The following FER variants were observed in gnomAD, a reference collection of about 807,000 sequenced individuals.
The protein encoded by FER is FER tyrosine kinase.
FER carries 63 observed loss-of-function variants against 111.0 expected under a neutral mutation model. That is an observed-to-expected ratio of 0.57 (90% confidence interval 0.46 to 0.70). The LOEUF (loss-of-function observed/expected upper bound fraction) is 0.70. Among genes scored for constraint, FER ranks in the 30% least tolerant of loss-of-function variants. The probability of loss-of-function intolerance (pLI) is 0.00; values close to 1 mark genes in which losing one functional copy is unlikely to be tolerated. For synonymous variants in FER, 327 were observed against 313.9 expected, an observed-to-expected ratio of 1.04 and a Z score of -0.44; for missense variants, 914 against 954.0, an observed-to-expected ratio of 0.96 and a Z score of 0.55.
At chr5:108,808,580 TAGAC>T (rs1242757781) in intron 3 of FER, among the ~76,000 whole-genome samples, 2 of 152,104 alleles carry the variant, frequency 1.3e-5, no homozygotes, top group African/African-American at 2.4e-5. Flanking sequence ...GTGGAGTAGT[TAGAC>T]AGTTTACATT....
chr5:108,930,292 A>G (rs1421325896), intron 10 of FER, among the ~76,000 whole-genome samples: 1 of 119,824 alleles, frequency 8.3e-6, no homozygotes, highest in Non-Finnish European at 1.8e-5. Flanking sequence ...GATTACAGGC[A>G]TAAGCCTCCG....
At chr5:108,797,353 G>GC (rs1756144926) in intron 2 of FER, among the ~76,000 whole-genome samples, 1 of 152,088 alleles carries the variant, frequency 6.6e-6, no homozygotes, top group Non-Finnish European at 1.5e-5. Context: ...GGTGTTGCAA[G>GC]CACTCCTGTA....
chr5:108,859,441 G>A (rs888587436), intron 5 of FER, among the ~76,000 whole-genome samples: 6 of 152,118 alleles, frequency 3.9e-5, no homozygotes, highest in Non-Finnish European at 5.9e-5. Flanking sequence ...GAGATCATTT[G>A]TAGAGATTTG....
Position 108,798,147 on chromosome 5 carries a change from CT to C in FER, c.-34del. ...AGATATGTGCTGATTAGAAGGCTCA[CT>C]TGTGCAGTGTGGAGGATAACCAGTG... On this transcript the variant is annotated 5_prime_UTR_variant, in exon 3 of 20. Coordinates refer to ENST00000281092, the MANE Select transcript of FER (RefSeq NM_005246.4). The C allele has an allele frequency of 6.5e-7, 1 of 1,531,610 alleles. No homozygotes were observed. Among genetic ancestry groups the C allele is most frequent in the Non-Finnish European group, 9.0e-7 (1 of 1,106,130 alleles). 94.9% of individuals were successfully genotyped at this position (1,531,610 alleles called of 1,614,324 possible).
chr5:109,049,936 T>C (rs1334751251), intron 16 of FER, among the ~76,000 whole-genome samples: 1 of 152,206 alleles, frequency 6.6e-6, no homozygotes, highest in African/African-American at 2.4e-5. Flanking sequence ...TCAAAGTTGC[T>C]GGTCACTCCA....
At chr5:108,897,150 C>A (rs1033263582) in intron 9 of FER, among the ~76,000 whole-genome samples, 2 of 152,154 alleles carry the variant, frequency 1.3e-5, no homozygotes, top group African/African-American at 4.8e-5. Flanking sequence ...TACATCTTAG[C>A]CCTTAGTCCT....
intron 2 of FER, among the ~76,000 whole-genome samples, chr5:108,787,812 AC>A (rs1430683059): frequency 6.6e-6 from 1 of 152,124 alleles, no homozygotes; most frequent in Non-Finnish European, 1.5e-5. Flanking sequence ...CATTGGGACA[AC>A]CTGCCTGCAG....
In FER at chr5:109,062,265, G is replaced by A. The variant is rs151320303; in HGVS notation, c.1924+15067G>A. 6.2e-4 allele frequency among the ~76,000 whole-genome samples: 94 copies of A among 152,290 alleles called. 1 individual carries two copies. The East Asian group carries it at 0.018, about 28-fold the overall frequency. ...TGGCTGGGCGTAGTGGCTCACGCCT[G>A]TAATCCCAGCACTTTGGGCAGCCAA... On this transcript the variant is annotated intron_variant, in intron 16 of 19. Coordinates refer to ENST00000281092, the MANE Select transcript of FER (RefSeq NM_005246.4).
intron 1 of FER, among the ~76,000 whole-genome samples, chr5:108,757,059 C>A (rs1751197760): frequency 6.6e-6 from 1 of 152,116 alleles, no homozygotes; most frequent in Admixed American, 6.5e-5. Context: ...CAAGGAGACC[C>A]AGTTATAAAA....
At chr5:109,072,253 A>G (rs1442289761) in intron 16 of FER, among the ~76,000 whole-genome samples, 2 of 151,522 alleles carry the variant, frequency 1.3e-5, no homozygotes, top group Non-Finnish European at 3.0e-5. Flanking sequence ...TTTCTATTCT[A>G]TGCTCGCAAA....
chr5:109,076,851 G>T (rs1042654531), intron 16 of FER, among the ~76,000 whole-genome samples: 1 of 152,186 alleles, frequency 6.6e-6, no homozygotes, highest in South Asian at 2.1e-4. Flanking sequence ...TTAGCTTTCT[G>T]TATTTCAGAC....
intron 5 of FER, among the ~76,000 whole-genome samples, chr5:108,860,095 C>T (rs1376603293): frequency 6.6e-6 from 1 of 151,832 alleles, no homozygotes; most frequent in Non-Finnish European, 1.5e-5. Flanking sequence ...GTGTGCACCA[C>T]CACGCCCAGC....
At chr5:109,147,820 G>GAGAGAGAC (rs1158575007) in intron 17 of FER, among the ~76,000 whole-genome samples, 1 of 148,926 alleles carries the variant, frequency 6.7e-6, no homozygotes, top group Admixed American at 6.7e-5. Flanking sequence ...GAGAGAGAGA[G>GAGAGAGAC]AGAGAGACAG....
intron 2 of FER, among the ~76,000 whole-genome samples, chr5:108,777,508 A>G (rs1181775261): frequency 1.3e-5 from 2 of 152,234 alleles, no homozygotes; most frequent in African/African-American, 4.8e-5. Context: ...AAAAATATAC[A>G]GTGACATGTA....
At position 109,146,774 on chromosome 5, in the gene FER, A is replaced by G. The variant is rs566492784; in HGVS notation, c.2049-33973A>G. On this transcript the variant is annotated intron_variant, in intron 17 of 19. Transcript: ENST00000281092. ...GACAGAATGAACCACAGAGGTTAAT[A>G]TGTTGCTCCATATGGTAAGTATGGC... is the stretch of plus-strand genomic sequence containing the variant. 1.2e-4 allele frequency among the ~76,000 whole-genome samples: 19 copies of G among 152,184 alleles called. 1 individual carries two copies. In the South Asian group the frequency reaches 3.9e-3, roughly 32 times the overall value.
chr5:108,830,744 A>G (rs910079074), intron 3 of FER: 4 of 152,228 alleles, frequency 2.6e-5, no homozygotes, highest in Non-Finnish European at 4.4e-5. Flanking sequence ...TTGCTGATGC[A>G]TTGTTCATGG....
rs182606661 is a variant in FER at position 108,775,583 on chromosome 5, C to T, written c.-60+7345C>T. The stretch of plus-strand genomic sequence containing the variant: ...AACATGTTATTCATTTGTTTATAGA[C>T]TTTCAAAGTTTTTATTAATTGTTTT... On this transcript the variant is annotated intron_variant, in intron 2 of 19. Coordinates refer to ENST00000281092, the MANE Select transcript of FER (RefSeq NM_005246.4). Among the ~76,000 whole-genome samples the T allele has an allele frequency of 2.1e-3, 317 of 152,046 alleles. 3 individuals carry two copies. The highest frequency in any genetic ancestry group is 7.1e-3 in the African/African-American group (294 of 41,502).
intron 3 of FER, among the ~76,000 whole-genome samples, chr5:108,817,164 A>G (rs1418859625): frequency 2.1e-5 from 3 of 143,368 alleles, no homozygotes; most frequent in African/African-American, 7.5e-5. Flanking sequence ...TATTGCAGCC[A>G]GAGTTGTGAA....
chr5:108,811,438 G>C (rs1301795041), intron 3 of FER, among the ~76,000 whole-genome samples: 1 of 152,154 alleles, frequency 6.6e-6, no homozygotes, highest in Non-Finnish European at 1.5e-5. Context: ...AAAAATTCAT[G>C]AATACTTGTT....
Sources: allele counts gnomAD v4.1 joint callset (sites outside exome capture counted in the v4.1 genomes callset), GRCh38; gene constraint gnomAD v4.1.1; transcripts MANE v1.5; gene names NCBI Gene and HGNC (gene_info 2026-07-23, HGNC 2026-07-21).